CCDC73: variants seen among roughly 807,000 people sequenced by gnomAD.
CCDC73 encodes the protein coiled-coil domain-containing protein 73.
CCDC73 carries 95 observed loss-of-function variants against 116.5 expected under a neutral mutation model. The observed-to-expected ratio is 0.82, with a 90% CI of 0.69 to 0.97. The LOEUF (loss-of-function observed/expected upper bound fraction) is 0.97, where lower values mean the gene tolerates loss of function less well. CCDC73 is among the 50% of genes least tolerant of loss of function. CCDC73 has a pLI of 0.00. For synonymous variants in CCDC73, 398 were observed against 401.3 expected (o/e 0.99, Z 0.10); for missense variants, 1,066 against 1,206.8 (o/e 0.88, Z 1.73).
intron 2 of CCDC73, among the ~76,000 whole-genome samples, chr11:32,733,872 G>C (rs1461161360): frequency 6.6e-6 from 1 of 152,126 alleles, no homozygotes; most frequent in African/African-American, 2.4e-5. Flanking sequence ...AGAGAAGCAA[G>C]AGCAAACACA....
chr11:32,758,683 T>C, intron 2 of CCDC73: 1 of 228,060 alleles, frequency 4.4e-6, no homozygotes, highest in South Asian at 6.2e-5. Context: ...ATCTGAAATT[T>C]TTCAGAAAAT....
intron 3 of CCDC73, among the ~76,000 whole-genome samples, chr11:32,714,734 T>C (rs1849930295): frequency 6.6e-6 from 1 of 152,104 alleles, no homozygotes; most frequent in Non-Finnish European, 1.5e-5. Flanking sequence ...TCAAGAGGTA[T>C]GGATCAAGAC....
chr11:32,736,017 G>A (rs541597960), intron 2 of CCDC73, among the ~76,000 whole-genome samples: 2,073 of 152,130 alleles, frequency 0.014, 55 homozygotes, highest in African/African-American at 0.047. Flanking sequence ...ATTCAAGATG[G>A]ATTAAAGACT....
chr11:32,701,680 T>C lies in CCDC73; in HGVS notation c.280-854A>G, dbSNP rs907418006. Among the ~76,000 whole-genome samples, 3 of 152,108 alleles carry C rather than the reference T, an allele frequency of 2.0e-5. No individual in the cohort carries two copies. In the South Asian group the frequency reaches 6.2e-4, roughly 32 times the overall value. On this transcript the variant is annotated intron_variant, in intron 4 of 17. Coordinates refer to ENST00000335185, the MANE Select transcript of CCDC73 (RefSeq NM_001008391.4). ...TCCAGCCTGGGCTACAGGGCAAGAC[T>C]ATCTCTAAATAAATAAATAAATAAA... is the stretch of plus-strand genomic sequence containing the variant.
chr11:32,655,020 T>G, intron 9 of CCDC73, 48 bp from the exon 10 acceptor site: 1 of 1,125,856 alleles, frequency 8.9e-7, no homozygotes, highest in South Asian at 1.8e-5. Flanking sequence ...CATATTTCAC[T>G]AAAACAAGGT....
the CCDC73 span, among the ~76,000 whole-genome samples, chr11:32,820,771 GACAAA>G: frequency 2.6e-5 from 4 of 151,908 alleles, no homozygotes; most frequent in Admixed American, 6.6e-5. Flanking sequence ...CAATCTAACT[GACAAA>G]ACAAAACAAA....
At chr11:32,784,228 G>A (rs144469327) in intron 1 of CCDC73, among the ~76,000 whole-genome samples, 1,823 of 152,112 alleles carry the variant, frequency 0.012, 36 homozygotes, top group African/African-American at 0.042. Flanking sequence ...TACTCAAGAG[G>A]CTGAGGCAGG....
chr11:32,714,406 AT>A (rs1849926623), intron 3 of CCDC73, among the ~76,000 whole-genome samples: 2 of 152,118 alleles, frequency 1.3e-5, no homozygotes, highest in African/African-American at 2.4e-5. Flanking sequence ...GACTAATGTA[AT>A]CTGTTTCAGA....
chr11:32,774,618 AG>A (rs1347295520), intron 1 of CCDC73, among the ~76,000 whole-genome samples: 2 of 152,318 alleles, frequency 1.3e-5, no homozygotes, highest in Admixed American at 1.3e-4. Context: ...ATATAAGAAA[AG>A]GAATTTGGAG....
At chr11:32,767,473 G>T (rs1850453225) in intron 1 of CCDC73, among the ~76,000 whole-genome samples, 1 of 152,156 alleles carries the variant, frequency 6.6e-6, no homozygotes, top group African/African-American at 2.4e-5. Context: ...TGACAAATGG[G>T]ATCTAATTAA....
chr11:32,665,069 T>A (rs1412745435), intron 9 of CCDC73, among the ~76,000 whole-genome samples: 1 of 152,234 alleles, frequency 6.6e-6, no homozygotes, highest in Non-Finnish European at 1.5e-5. Flanking sequence ...AGGAGTGCTT[T>A]ACTTCCAACT....
chr11:32,701,554 A>G (rs920045676), intron 4 of CCDC73, among the ~76,000 whole-genome samples: 1 of 151,890 alleles, frequency 6.6e-6, no homozygotes, highest in Non-Finnish European at 1.5e-5. Flanking sequence ...TTTAAAAAAA[A>G]ATTTTTTTAA....
chr11:32,646,073 C>A (rs1855776532), intron 12 of CCDC73, among the ~76,000 whole-genome samples: 1 of 152,108 alleles, frequency 6.6e-6, no homozygotes, highest in Non-Finnish European at 1.5e-5. Flanking sequence ...AGTCTCTATC[C>A]TAGTAATAAT....
intron 1 of CCDC73, among the ~76,000 whole-genome samples, chr11:32,783,873 C>T (rs1053767593): frequency 1.3e-5 from 2 of 152,126 alleles, no homozygotes; most frequent in Non-Finnish European, 2.9e-5. Flanking sequence ...GACACCTGTA[C>T]GAAGACAGAG....
intron 14 of CCDC73, among the ~76,000 whole-genome samples, chr11:32,635,282 T>C (rs1047190687): frequency 3.9e-5 from 6 of 152,132 alleles, no homozygotes; most frequent in Non-Finnish European, 5.9e-5. Flanking sequence ...AAGAACAATA[T>C]TGAAGGACTT....
intron 12 of CCDC73, among the ~76,000 whole-genome samples, chr11:32,647,910 C>T (rs1855792698): frequency 6.6e-6 from 1 of 151,918 alleles, no homozygotes; most frequent in Non-Finnish European, 1.5e-5. Flanking sequence ...TTTCAAACTA[C>T]CATTGGTTTA....
At chr11:32,823,487 T>C in the CCDC73 span, among the ~76,000 whole-genome samples, 3 of 150,970 alleles carry the variant, frequency 2.0e-5, no homozygotes, top group Non-Finnish European at 4.4e-5. Context: ...AATAAACAAA[T>C]AAATAAATAA....
At chr11:32,781,702 G>C (rs550940402) in intron 1 of CCDC73, among the ~76,000 whole-genome samples, 1 of 152,316 alleles carries the variant, frequency 6.6e-6, no homozygotes, top group South Asian at 2.1e-4. Flanking sequence ...AGGGTCAGGG[G>C]TGGCTACTAT....
At chr11:32,692,049 CA>C (rs1173539877) in intron 6 of CCDC73, among the ~76,000 whole-genome samples, 9,823 of 60,784 alleles carry the variant, frequency 0.16, 253 homozygotes, top group South Asian at 0.26. Flanking sequence ...CTCCGTCTCA[CA>C]AAAAAAAAAA....
Sources: gnomAD v4.1 joint callset for allele counts (sites outside exome capture counted in the v4.1 genomes callset) on GRCh38, gnomAD v4.1.1 for gene constraint, MANE v1.5 for transcripts, NCBI Gene and HGNC (gene_info 2026-07-23, HGNC 2026-07-21) for gene names.